FAM161B: variants seen among roughly 807,000 people sequenced by gnomAD.
FAM161B encodes protein FAM161B.
A neutral mutation model predicts 61.5 loss-of-function variants in FAM161B; 46 were observed. The ratio of observed to expected loss-of-function variants is 0.75; its 90% CI spans 0.59 to 0.96. The LOEUF (loss-of-function observed/expected upper bound fraction) is 0.96. Among genes scored for constraint, FAM161B ranks in the 40% least tolerant of loss-of-function variants. The pLI is 0.00. For synonymous variants in FAM161B, 284 were observed against 302.7 expected, an observed-to-expected ratio of 0.94 and a Z score of 0.64; for missense variants, 774 against 800.7, an observed-to-expected ratio of 0.97 and a Z score of 0.40.
downstream of FAM161B, among the ~76,000 whole-genome samples, chr14:73,928,392 A>G (rs1039059966): frequency 6.6e-6 from 1 of 152,154 alleles, no homozygotes; most frequent in Admixed American, 6.5e-5. Context: ...CTGGAGAGGA[A>G]AATTGAGAGC....
chr14:73,949,354 G>A (rs896375572), intron 1 of FAM161B, among the ~76,000 whole-genome samples: 2 of 151,576 alleles, frequency 1.3e-5, no homozygotes, highest in South Asian at 4.2e-4. Flanking sequence ...CCAAAGTGCT[G>A]CATTACAGGA....
rs554533938 is a variant in FAM161B, at chr14:73,946,389, G to A, written c.271C>T (p.Pro91Ser). Reference protein sequence around the residue: ...CLLESLFQSDPESDENLSEDE... With the variant: ...CLLESLFQSDSESDENLSEDE... ...TCAGAGAGGTTTTCATCACTCTCTG[G>A]GTCAGACTGAAAGAGAGACTCCAAC... Residue 91 changes from proline to serine, a missense_variant, in exon 2 of 9, where the codon CCA (proline) becomes TCA (serine). Coordinates refer to ENST00000286544, the MANE Select transcript of FAM161B (RefSeq NM_152445.3). 6.2e-7 allele frequency: 1 copy of A among 1,614,046 alleles called. No homozygotes were observed. The highest frequency in any genetic ancestry group is 1.7e-5 in the Admixed American group (1 of 60,012).
At chr14:73,931,844 T>C (rs1205263030), downstream of FAM161B, 7 of 437,372 alleles carry the variant, frequency 1.6e-5, no homozygotes, top group Admixed American at 1.2e-4. Context: ...TTGGCTGAAG[T>C]TCTTCATTCT....
intron 2 of FAM161B, 62 bp from the exon 3 acceptor site, chr14:73,944,947 G>C: frequency 3.6e-6 from 5 of 1,373,138 alleles, no homozygotes; most frequent in Non-Finnish European, 2.9e-6. Flanking sequence ...GCTCCCTCCA[G>C]ACCTCCTCCC....
chr14:73,950,020 C>T lies in FAM161B; in HGVS notation c.7G>A (p.Val3Met). The T allele has an allele frequency of 1.2e-6, 2 of 1,612,778 alleles. No individual in the cohort carries two copies. The highest frequency in any genetic ancestry group is 2.2e-5 in the South Asian group (2 of 91,084). Residue 3 changes from valine to methionine, a missense_variant, in exon 1 of 9, where the codon GTG (valine) becomes ATG (methionine). Val to Met is a conservative substitution (Grantham distance 21). Coordinates refer to ENST00000286544, the MANE Select transcript of FAM161B (RefSeq NM_152445.3). ...CCGGGGGCTCCCTCAGGCCTCCCCA[C>T]GGTCATTTCAGCTGGACAGAGGCAG... MT[V>M]GRPEGAPGGA...
At chr14:73,923,321 G>A in the FAM161B span, 1 of 1,511,910 alleles carries the variant, frequency 6.6e-7, no homozygotes, top group Non-Finnish European at 8.9e-7. Context: ...AGTTGTTAAT[G>A]AGAGGCTTAA....
intron 7 of FAM161B, among the ~76,000 whole-genome samples, chr14:73,936,722 A>AC: frequency 6.6e-6 from 1 of 152,316 alleles, no homozygotes. Context: ...TAAATCCAAG[A>AC]CCATGTGTGC....
chr14:73,938,001 C>T lies in FAM161B; in HGVS notation c.1512G>A (p.Met504Ile), dbSNP rs2055985009. The change falls in exon 6 of 9, where the codon ATG becomes ATA. Residue 504 changes from methionine to isoleucine, a missense_variant. By Grantham distance (10) the Met-to-Ile change is conservative. Transcript: ENST00000286544. ...SKSVTLRAKA[M>I]DPHKSLEEVF... ...CTTCCTCCAGGCTTTTATGGGGATC[C>T]ATGGCTTTTGCACGCAAGGTCACAG... 6.2e-7 allele frequency: 1 copy of T among 1,614,078 alleles called. No homozygotes were observed. Among genetic ancestry groups the T allele is most frequent in the Non-Finnish European group, 8.5e-7 (1 of 1,180,046 alleles).
At chr14:73,937,572 G>T in intron 7 of FAM161B, 30 bp downstream of exon 7, 1 of 1,589,128 alleles carries the variant, frequency 6.3e-7, no homozygotes, top group Non-Finnish European at 8.6e-7. Context: ...ATCTAAGGCA[G>T]AAAGAAAACA....
chr14:73,926,065 T>G, the FAM161B span, among the ~76,000 whole-genome samples: 1 of 152,110 alleles, frequency 6.6e-6, no homozygotes, highest in Non-Finnish European at 1.5e-5. Context: ...CTTTATACTG[T>G]TCTTGTTTTA....
downstream of FAM161B, chr14:73,931,654 ACT>A (rs1413556135): frequency 3.0e-6 from 3 of 988,202 alleles, no homozygotes; most frequent in Admixed American, 2.3e-5. Context: ...AAGGCACAAG[ACT>A]CTGCTTTTGC....
rs1566674921 is a variant in FAM161B, at chr14:73,942,603, T to C, written c.1038A>G (p.Thr346=). ...SSNRANPQPR[T]ATRTQQEKLG... is the part of the protein sequence containing the mutation. ...GCTTTTCCTGCTGGGTTCGGGTGGC[T>C]GTGCGGGGCTGTGGGTTAGCCCGGT... The change falls in exon 4 of 9, where the codon ACA becomes ACG. Residue 346 remains threonine (T), a synonymous_variant. Transcript: ENST00000286544. 6.2e-7 allele frequency: 1 copy of C among 1,614,074 alleles called. No homozygotes were observed. Among genetic ancestry groups the C allele is most frequent in the Non-Finnish European group, 8.5e-7 (1 of 1,180,030 alleles).
chr14:73,944,633 C>T lies in FAM161B; in HGVS notation c.627G>A (p.Glu209=), dbSNP rs892771035. The T allele has an allele frequency of 6.2e-7, 1 of 1,613,876 alleles. No homozygotes were observed. Among genetic ancestry groups the T allele is most frequent in the African/African-American group, 1.3e-5 (1 of 74,934 alleles). Residue 209 remains glutamate, a synonymous_variant, in exon 3 of 9, where the codon GAG becomes GAA. Transcript: ENST00000286544. The part of the protein sequence containing the change: ...RQRAQRQGEE[E]AECHRQFRAQ... Reference sequence around the variant, plus strand: ...CCCGGAACTGCCTGTGGCACTCGGCCTCTTCCTCACCCTGCCTCTGGGCCC... The same window carrying T: ...CCCGGAACTGCCTGTGGCACTCGGCTTCTTCCTCACCCTGCCTCTGGGCCC...
At position 73,935,992 on chromosome 14, in the gene FAM161B, G is replaced by A. The variant is rs565077740; in HGVS notation, c.1762C>T (p.Arg588Trp). The A allele has an allele frequency of 1.9e-5, 31 of 1,613,382 alleles. No individual in the cohort carries two copies. The highest frequency in any genetic ancestry group is 5.3e-5 in the African/African-American group (4 of 75,016). The change falls in exon 8 of 9, where the codon CGG becomes TGG. Residue 588 changes from arginine (R) to tryptophan (W), a missense_variant. Physicochemically the swap from Arg to Trp is moderately radical, Grantham distance 101. Coordinates refer to ENST00000286544, the MANE Select transcript of FAM161B (RefSeq NM_152445.3). ...TTGGTCTCTTTCTCTTGAACAGCCC[G>A]GGTGCCTTGACCCTTGTTTCTCACA... is the stretch of plus-strand genomic sequence containing the variant. Reference protein sequence around the residue: ...DFVRNKGQGTRAVQEKETKIK... With the variant: ...DFVRNKGQGTWAVQEKETKIK...
chr14:73,941,938 T>C (rs2056022880), intron 4 of FAM161B, among the ~76,000 whole-genome samples: 1 of 152,240 alleles, frequency 6.6e-6, no homozygotes, highest in South Asian at 2.1e-4. Flanking sequence ...ACTCCTGACC[T>C]CAGATGATCT....
At chr14:73,949,876 C>T in intron 1 of FAM161B, 97 bp downstream of exon 1, 1 of 1,523,342 alleles carries the variant, frequency 6.6e-7, no homozygotes, top group Non-Finnish European at 8.8e-7. Flanking sequence ...TCCCACGCCC[C>T]TCCGTGACAC....
rs200096368 is a variant in FAM161B, at chr14:73,950,064, T to A, written c.-38A>T. ...GAGGCAGCAGCGACAGTGACAGCGATAGTGGCAGCAGCGGTGGCAGCGAGA... is the reference window on the plus strand; with the variant it reads ...GAGGCAGCAGCGACAGTGACAGCGAAAGTGGCAGCAGCGGTGGCAGCGAGA... On this transcript the variant is annotated 5_prime_UTR_variant, in exon 1 of 9. Transcript: ENST00000286544. 2 of 1,609,238 alleles carry A rather than the reference T, an allele frequency of 1.2e-6. No individual in the cohort carries two copies. The highest frequency in any genetic ancestry group is 4.5e-5 in the East Asian group (2 of 44,866).
In FAM161B at chr14:73,942,517, T is replaced by C. The variant is rs551016394; in HGVS notation, c.1124A>G (p.Tyr375Cys). ...CTGGAAGGCCTTGTAAAGGCCCTCA[T>C]AGTCAGGGACCACAGGATTCACCCG... Reference protein sequence around the residue: ...QPRVNPVVPDYEGLYKAFQRR... With the variant: ...QPRVNPVVPDCEGLYKAFQRR... Residue 375 changes from tyrosine (Y) to cysteine (C), a missense_variant, in exon 4 of 9, where the codon TAT becomes TGT. Transcript: ENST00000286544. The C allele has an allele frequency of 1.2e-6, 2 of 1,614,204 alleles. No homozygotes were observed. Among genetic ancestry groups the C allele is most frequent in the East Asian group, 2.2e-5 (1 of 44,882 alleles).
chr14:73,941,908 G>C (rs2056022610), intron 4 of FAM161B, among the ~76,000 whole-genome samples: 1 of 152,196 alleles, frequency 6.6e-6, no homozygotes, highest in Non-Finnish European at 1.5e-5. Context: ...GTTTTGCCAT[G>C]TTGGCCGTGC....
Sources: allele counts gnomAD v4.1 joint callset (sites outside exome capture counted in the v4.1 genomes callset), GRCh38; gene constraint gnomAD v4.1.1; transcripts MANE v1.5; gene names NCBI Gene and HGNC (gene_info 2026-07-23, HGNC 2026-07-21).